The following EDIL3 variants were observed in gnomAD, a reference collection of about 807,000 sequenced individuals.
EDIL3 encodes EGF like and discoidin domains 3.
Under a neutral mutation model 67.4 loss-of-function variants are expected in EDIL3, and 37 were observed. The ratio of observed to expected loss-of-function variants is 0.55; its 90% CI spans 0.42 to 0.72. The LOEUF (loss-of-function observed/expected upper bound fraction) is 0.72. Among genes scored for constraint, EDIL3 ranks in the 30% least tolerant of loss-of-function variants. The probability of loss-of-function intolerance (pLI) is 0.00; values close to 1 mark genes in which losing one functional copy is unlikely to be tolerated. For missense variants in EDIL3, 527 were observed against 586.3 expected (o/e 0.90, Z 1.04); for synonymous variants, 195 against 196.3 (o/e 0.99, Z 0.05).
At chr5:84,119,430 A>T (rs1747733061) in intron 5 of EDIL3, among the ~76,000 whole-genome samples, 1 of 151,988 alleles carries the variant, frequency 6.6e-6, no homozygotes, top group Non-Finnish European at 1.5e-5. Flanking sequence ...TCACCAAAGC[A>T]TTCAAATTGT....
intron 3 of EDIL3, among the ~76,000 whole-genome samples, chr5:84,213,191 GTT>G (rs34340201): frequency 0.68 from 101,808 of 149,056 alleles, 34,954 homozygotes; most frequent in East Asian, 0.81. Flanking sequence ...ATTTTCAGTG[GTT>G]TTTTTTTTTT....
chr5:84,172,844 G>A (rs942855877), intron 4 of EDIL3, among the ~76,000 whole-genome samples: 3 of 152,142 alleles, frequency 2.0e-5, no homozygotes, highest in Admixed American at 6.5e-5. Context: ...GGCATTAAGT[G>A]AAAAACGCTA....
At chr5:84,356,987 C>T (rs145717576) in intron 1 of EDIL3, among the ~76,000 whole-genome samples, 357 of 140,430 alleles carry the variant, frequency 2.5e-3, no homozygotes, top group Non-Finnish European at 1.3e-3. Context: ...TACAGTGGCA[C>T]GATCTCGGCT....
chr5:83,974,171 T>C (rs1466446772), intron 9 of EDIL3, among the ~76,000 whole-genome samples: 1 of 151,920 alleles, frequency 6.6e-6, no homozygotes, highest in African/African-American at 2.4e-5. Flanking sequence ...TGGTGATTGC[T>C]TTTTAGGCTA....
intron 5 of EDIL3, among the ~76,000 whole-genome samples, chr5:84,114,360 T>C (rs920614172): frequency 6.6e-6 from 1 of 151,836 alleles, no homozygotes; most frequent in Non-Finnish European, 1.5e-5. Flanking sequence ...GATGGAAAAA[T>C]GGCCAAAAAG....
chr5:84,013,501 C>T (rs1419843566), intron 9 of EDIL3, among the ~76,000 whole-genome samples: 5 of 152,094 alleles, frequency 3.3e-5, no homozygotes, highest in African/African-American at 4.8e-5. Context: ...CACACAGATT[C>T]CTCCTTTGTG....
intron 3 of EDIL3, among the ~76,000 whole-genome samples, chr5:84,209,544 G>A (rs1267103764): frequency 2.0e-5 from 3 of 151,994 alleles, no homozygotes; most frequent in Admixed American, 6.6e-5. Flanking sequence ...GGCTGTGTTT[G>A]CCTTGGTTTC....
intron 1 of EDIL3, among the ~76,000 whole-genome samples, chr5:84,345,183 G>A (rs1260185880): frequency 6.6e-6 from 1 of 151,976 alleles, no homozygotes; most frequent in Non-Finnish European, 1.5e-5. Flanking sequence ...AAATCCTTCT[G>A]TAATTATATT....
At chr5:84,004,505 T>C (rs1328171771) in intron 9 of EDIL3, among the ~76,000 whole-genome samples, 2 of 151,802 alleles carry the variant, frequency 1.3e-5, no homozygotes, top group African/African-American at 2.4e-5. Flanking sequence ...AAAATCAATA[T>C]GAAGTACAAT....
At chr5:84,098,207 A>C (rs1747299741) in intron 6 of EDIL3, among the ~76,000 whole-genome samples, 1 of 152,116 alleles carries the variant, frequency 6.6e-6, no homozygotes, top group African/African-American at 2.4e-5. Flanking sequence ...ATATAAATGT[A>C]AAATGGCAAT....
At chr5:84,182,363 G>A (rs1749028735) in intron 3 of EDIL3, among the ~76,000 whole-genome samples, 1 of 151,824 alleles carries the variant, frequency 6.6e-6, no homozygotes, top group Admixed American at 6.6e-5. Context: ...GGCTGAGGTG[G>A]GAGAATTGCT....
chr5:84,268,884 C>T (rs1745406008), intron 1 of EDIL3, among the ~76,000 whole-genome samples: 3 of 152,110 alleles, frequency 2.0e-5, no homozygotes, highest in South Asian at 2.1e-4. Flanking sequence ...TCTCTATCAT[C>T]CCATATCCCA....
intron 1 of EDIL3, among the ~76,000 whole-genome samples, chr5:84,267,001 C>G (rs556687594): frequency 2.0e-5 from 3 of 152,180 alleles, no homozygotes; most frequent in Non-Finnish European, 4.4e-5. Flanking sequence ...TGATAAACCT[C>G]ATTTTACTTA....
At chr5:84,326,381 C>T (rs775001456) in intron 1 of EDIL3, among the ~76,000 whole-genome samples, 8 of 151,868 alleles carry the variant, frequency 5.3e-5, no homozygotes, top group South Asian at 2.1e-4. Flanking sequence ...AAGGAGCTGA[C>T]GGGAGAAGGG....
At chr5:84,205,760 C>A (rs1463356423) in intron 3 of EDIL3, among the ~76,000 whole-genome samples, 1 of 152,150 alleles carries the variant, frequency 6.6e-6, no homozygotes, top group Non-Finnish European at 1.5e-5. Context: ...GTGGTGATAT[C>A]ACCTTTATCA....
intron 6 of EDIL3, among the ~76,000 whole-genome samples, chr5:84,101,996 G>C (rs947885033): frequency 6.6e-6 from 1 of 152,068 alleles, no homozygotes; most frequent in Non-Finnish European, 1.5e-5. Context: ...TTATCCCCAG[G>C]ATGCAAGGTA....
At chr5:84,281,928 G>A (rs1439771535) in intron 1 of EDIL3, among the ~76,000 whole-genome samples, 26 of 140,660 alleles carry the variant, frequency 1.8e-4, no homozygotes. Context: ...ATGCAGTGGT[G>A]CGATCTCGGC....
chr5:84,341,874 G>A (rs1398330578), intron 1 of EDIL3, among the ~76,000 whole-genome samples: 9 of 151,912 alleles, frequency 5.9e-5, no homozygotes, highest in Non-Finnish European at 2.9e-5. Flanking sequence ...TATAATGCAA[G>A]TATTATAGTT....
intron 9 of EDIL3, among the ~76,000 whole-genome samples, chr5:83,993,726 A>G (rs962722859): frequency 1.3e-5 from 2 of 152,188 alleles, no homozygotes; most frequent in African/African-American, 2.4e-5. Flanking sequence ...TTGTAAACAC[A>G]GATCATCTTC....
Sources: allele counts gnomAD v4.1 joint callset (sites outside exome capture counted in the v4.1 genomes callset), GRCh38; gene constraint gnomAD v4.1.1; transcripts MANE v1.5; gene names NCBI Gene and HGNC (gene_info 2026-07-23, HGNC 2026-07-21).